Variants in CYFIP2 observed in about 807,000 individuals in gnomAD.
CYFIP2 encodes cytoplasmic FMR1-interacting protein 2.
CYFIP2 carries 29 observed loss-of-function variants against 158.7 expected under a neutral mutation model. The ratio of observed to expected loss-of-function variants is 0.18; its 90% CI spans 0.14 to 0.25. CYFIP2 has a LOEUF of 0.25. Among genes scored for constraint, CYFIP2 ranks in the 10% least tolerant of loss-of-function variants. The pLI, the probability that CYFIP2 is intolerant of heterozygous loss-of-function variation, is 1.00. For missense variants in CYFIP2, 852 were observed against 1,639.5 expected, an observed-to-expected ratio of 0.52 and a Z score of 8.29; for synonymous variants, 585 against 617.6, an observed-to-expected ratio of 0.95 and a Z score of 0.78.
intron 21 of CYFIP2, among the ~76,000 whole-genome samples, chr5:157,336,383 A>T: frequency 6.6e-6 from 1 of 152,220 alleles, no homozygotes; most frequent in East Asian, 1.9e-4. Flanking sequence ...GGAAGAAATC[A>T]AATAAAACTG....
chr5:157,281,135 G>C (rs1756956351), intron 1 of CYFIP2, among the ~76,000 whole-genome samples: 9 of 152,134 alleles, frequency 5.9e-5, no homozygotes, highest in Admixed American at 5.9e-4. Context: ...TACATCACTG[G>C]GGTGTAGCAT....
chr5:157,332,811 A>AT (rs998658952), intron 20 of CYFIP2, among the ~76,000 whole-genome samples: 5 of 151,842 alleles, frequency 3.3e-5, no homozygotes, highest in Admixed American at 2.0e-4. Flanking sequence ...CACCTGGCTA[A>AT]TTTTTTTTAT....
chr5:157,351,931 T>C (rs1763099919), intron 23 of CYFIP2, among the ~76,000 whole-genome samples: 1 of 152,162 alleles, frequency 6.6e-6, no homozygotes, highest in South Asian at 2.1e-4. Context: ...AGCAAGTGTT[T>C]CCTCTTCTGA....
At chr5:157,321,499 A>G (rs1760590125) in intron 15 of CYFIP2, among the ~76,000 whole-genome samples, 2 of 152,202 alleles carry the variant, frequency 1.3e-5, no homozygotes, top group Non-Finnish European at 2.9e-5. Flanking sequence ...CGTTACAGAA[A>G]AAAAAGTCAA....
intron 23 of CYFIP2, among the ~76,000 whole-genome samples, chr5:157,347,810 C>T (rs545285839): frequency 6.6e-6 from 1 of 152,348 alleles, no homozygotes; most frequent in Non-Finnish European, 1.5e-5. Flanking sequence ...GTTTCACAGT[C>T]CTGGGAGAAG....
intron 8 of CYFIP2, 125 bp from the exon 9 acceptor site, chr5:157,307,636 G>GTTGTGTGTGT: frequency 2.3e-6 from 1 of 427,342 alleles, no homozygotes; most frequent in Admixed American, 4.1e-5. Context: ...GTCTCTACAG[G>GTTGTGTGTGT]GTGTGTGTGT....
intron 20 of CYFIP2, among the ~76,000 whole-genome samples, chr5:157,332,451 C>G (rs1408674883): frequency 6.6e-6 from 1 of 152,120 alleles, no homozygotes; most frequent in Non-Finnish European, 1.5e-5. Flanking sequence ...ACATTTCACC[C>G]CTGAATGCTT....
At chr5:157,346,257 A>G (rs879868831) in intron 23 of CYFIP2, among the ~76,000 whole-genome samples, 1 of 152,150 alleles carries the variant, frequency 6.6e-6, no homozygotes, top group Non-Finnish European at 1.5e-5. Flanking sequence ...AACCCCTGTC[A>G]AGCTTGCTAA....
intron 21 of CYFIP2, among the ~76,000 whole-genome samples, chr5:157,334,582 T>C (rs1249): frequency 0.46 from 70,543 of 151,920 alleles, 18,223 homozygotes; most frequent in African/African-American, 0.71. Flanking sequence ...AAGTTAATAT[T>C]ACCAGTAAGA....
chr5:157,272,486 A>G (rs1194124646), intron 1 of CYFIP2, among the ~76,000 whole-genome samples: 1 of 152,224 alleles, frequency 6.6e-6, no homozygotes, highest in African/African-American at 2.4e-5. Context: ...ATAATGAAAA[A>G]CAACCATCCA....
intron 26 of CYFIP2, among the ~76,000 whole-genome samples, chr5:157,381,287 G>A (rs756379729): frequency 2.0e-5 from 3 of 151,054 alleles, no homozygotes; most frequent in Admixed American, 6.6e-5. Context: ...TTGTACATAT[G>A]TATCACTGAA....
chr5:157,391,204 G>A (rs1767248789), intron 30 of CYFIP2, among the ~76,000 whole-genome samples: 1 of 152,180 alleles, frequency 6.6e-6, no homozygotes, highest in Non-Finnish European at 1.5e-5. Context: ...TGACAGCAGA[G>A]GCACTGAGGC....
At chr5:157,355,963 T>A (rs1763380701) in intron 23 of CYFIP2, among the ~76,000 whole-genome samples, 1 of 152,200 alleles carries the variant, frequency 6.6e-6, no homozygotes, top group Non-Finnish European at 1.5e-5. Flanking sequence ...TTTTAACCTT[T>A]GAAAATCATG....
chr5:157,377,928 C>G (rs1444788467), intron 26 of CYFIP2, among the ~76,000 whole-genome samples: 3 of 152,180 alleles, frequency 2.0e-5, no homozygotes, highest in Non-Finnish European at 4.4e-5. Flanking sequence ...GGACCCTGGG[C>G]TAGATAAGAC....
chr5:157,335,308 T>C, intron 21 of CYFIP2, among the ~76,000 whole-genome samples: 1 of 152,212 alleles, frequency 6.6e-6, no homozygotes, highest in East Asian at 1.9e-4. Flanking sequence ...GACGGAGTCT[T>C]GCTCTGTTGC....
chr5:157,341,285 T>TC, intron 23 of CYFIP2, 128 bp downstream of exon 23: 1 of 823,468 alleles, frequency 1.2e-6, no homozygotes, highest in South Asian at 1.6e-5. Context: ...GCACAGTGGC[T>TC]CATACCTTTA....
intron 2 of CYFIP2, among the ~76,000 whole-genome samples, chr5:157,285,885 G>A (rs1438339601): frequency 6.6e-6 from 1 of 152,174 alleles, no homozygotes; most frequent in Non-Finnish European, 1.5e-5. Flanking sequence ...CATGGCTCAG[G>A]GAAGCTGGTC....
intron 26 of CYFIP2, among the ~76,000 whole-genome samples, chr5:157,372,259 CA>C (rs1483893960): frequency 6.6e-6 from 1 of 152,130 alleles, no homozygotes; most frequent in Non-Finnish European, 1.5e-5. Flanking sequence ...TGAGGTTGCA[CA>C]GGAGGATGTC....
chr5:157,391,550 C>A (rs966051425), intron 30 of CYFIP2, among the ~76,000 whole-genome samples: 1 of 152,136 alleles, frequency 6.6e-6, no homozygotes, highest in Non-Finnish European at 1.5e-5. Context: ...TTTGTCTTTT[C>A]GTGACTGGCT....
Sources: gnomAD v4.1 joint callset for allele counts (sites outside exome capture counted in the v4.1 genomes callset) on GRCh38, gnomAD v4.1.1 for gene constraint, MANE v1.5 for transcripts, NCBI Gene and HGNC (gene_info 2026-07-23, HGNC 2026-07-21) for gene names.